DLL4: variants seen among roughly 807,000 people sequenced by gnomAD.
The protein encoded by DLL4 is delta-like protein 4.
In DLL4, 7 loss-of-function variants were observed where a neutral mutation model predicts 73.6. The ratio of observed to expected loss-of-function variants is 0.10; its 90% CI spans 0.05 to 0.18. DLL4 has a LOEUF of 0.18. Among genes scored for constraint, DLL4 ranks in the 10% least tolerant of loss-of-function variants. The pLI, the probability that DLL4 is intolerant of heterozygous loss-of-function variation, is 1.00. For synonymous variants in DLL4, 345 were observed against 374.3 expected, an observed-to-expected ratio of 0.92 and a Z score of 0.90; for missense variants, 614 against 929.9, an observed-to-expected ratio of 0.66 and a Z score of 4.42.
intron 3 of DLL4, chr15:40,931,241 C>G (rs1287302534): frequency 2.0e-5 from 11 of 550,246 alleles, no homozygotes; most frequent in African/African-American, 1.9e-4. Flanking sequence ...CCTCCAAGAC[C>G]CTGGGATATC....
Position 40,937,942 on chromosome 15 carries a change from G to A in DLL4, c.2053-87G>A, listed in dbSNP as rs369104774. ...GCCCTTAGCCCCTGCCTGCCCCATCGCCTTCTCCCAGGGAGGCCCAGGGAG... is the reference window on the plus strand; with the variant it reads ...GCCCTTAGCCCCTGCCTGCCCCATCACCTTCTCCCAGGGAGGCCCAGGGAG... On this transcript the variant is annotated intron_variant, in intron 10 of 10. Coordinates refer to ENST00000249749, the MANE Select transcript of DLL4 (RefSeq NM_019074.4). 29 of 1,537,156 alleles carry A rather than the reference G, an allele frequency of 1.9e-5. No individual in the cohort carries two copies. The African/African-American group carries it at 2.3e-4, about 12-fold the overall frequency.
rs1363312639 is a variant in DLL4 at position 40,934,538 on chromosome 15, G to A, written c.851-10G>A. ...GGCCCTGCTCAGCTGCTTGGTTCCT[G>A]TTTCTGCAGATCTCAACTACTGCAC... On this transcript the variant is annotated splice_polypyrimidine_tract_variant and intron_variant, in intron 6 of 10. Transcript: ENST00000249749. 9 of 1,613,212 alleles carry A rather than the reference G, an allele frequency of 5.6e-6. No homozygotes were observed. The highest frequency in any genetic ancestry group is 7.6e-6 in the Non-Finnish European group (9 of 1,179,460).
In DLL4 at chr15:40,930,529, G is replaced by A. The variant is rs1254632905; in HGVS notation, c.337-96G>A. ...GACCCGGGCGCAGTAACTGAATCCT[G>A]CAATTAGATTAATTAAACAGGCTGC... On this transcript the variant is annotated intron_variant, in intron 2 of 10. Coordinates refer to ENST00000249749, the MANE Select transcript of DLL4 (RefSeq NM_019074.4). The surrounding 1 kb of genome is among the most constrained non-coding windows in gnomAD (Gnocchi z 5.7). The A allele has an allele frequency of 9.9e-7, 1 of 1,012,820 alleles. No individual in the cohort carries two copies. The highest frequency in any genetic ancestry group is 1.5e-6 in the Non-Finnish European group (1 of 654,776). 62.7% of individuals were successfully genotyped at this position (1,012,820 alleles called of 1,614,324 possible). A position where few individuals can be genotyped will look rare whatever the true frequency, so the allele number is the denominator to read the frequency against.
intron 8 of DLL4, 39 bp downstream of exon 8, chr15:40,935,156 T>TG: frequency 6.3e-7 from 1 of 1,577,042 alleles, no homozygotes. Context: ...GGACTGGCCC[T>TG]GGGGCTGAGA....
In DLL4 at chr15:40,930,328, G is replaced by A; in HGVS notation, c.336+212G>A. ...CCGTCTTCCCAGTTTATGTCCTCCCGTCCCCAGCTCTTGGGACACGATTTT... is the reference window on the plus strand; with the variant it reads ...CCGTCTTCCCAGTTTATGTCCTCCCATCCCCAGCTCTTGGGACACGATTTT... On this transcript the variant is annotated intron_variant, in intron 2 of 10. Transcript: ENST00000249749. The surrounding 1 kb of genome is among the most constrained non-coding windows in gnomAD (Gnocchi z 5.7). The A allele has an allele frequency of 5.8e-6, 4 of 691,768 alleles. No individual in the cohort carries two copies. The highest frequency in any genetic ancestry group is 9.6e-6 in the Non-Finnish European group (4 of 418,162). The allele number at this position is 691,768 out of a possible 1,614,324, so 42.9% of individuals were successfully genotyped here. A position where few individuals can be genotyped will look rare whatever the true frequency, so the allele number is the denominator to read the frequency against.
At position 40,930,225 on chromosome 15, in the gene DLL4, A is replaced by C; in HGVS notation, c.336+109A>C. 1.4e-5 allele frequency: 18 copies of C among 1,316,344 alleles called. No homozygotes were observed. Among genetic ancestry groups the C allele is most frequent in the Non-Finnish European group, 1.9e-5 (18 of 966,308 alleles). The allele number at this position is 1,316,344 out of a possible 1,614,324, so 81.5% of individuals were successfully genotyped here. On this transcript the variant is annotated intron_variant, in intron 2 of 10. Transcript: ENST00000249749. This position sits in a 1 kb window ranked among gnomAD's most constrained non-coding sequence, Gnocchi z 5.7. The stretch of plus-strand genomic sequence containing the variant: ...CTTGTACACACACCCCCACCCCCAA[A>C]AAGCCCAGGATGCATTCTTTCCTGG...
rs200998312 is a variant in DLL4, at chr15:40,937,501, G to A, written c.2027G>A (p.Arg676Lys). The A allele has an allele frequency of 9.8e-5, 158 of 1,613,120 alleles. No homozygotes were observed. In the East Asian group the frequency reaches 3.5e-3, roughly 35 times the overall value. The change falls in exon 10 of 11, where the codon AGG (arginine) becomes AAG (lysine). Residue 676 changes from arginine to lysine, a missense_variant. By Grantham distance (26) the Arg-to-Lys change is conservative. Transcript: ENST00000249749. ...TCTGTGTGTTTGATATCAGAGGAGA[G>A]GAATGAATGTGTCATTGCCACGGAG... ...YQSVCLISEE[R>K]NECVIATEV is the part of the protein sequence containing the mutation.
chr15:40,930,135 C>T lies in DLL4; in HGVS notation c.336+19C>T. 1 of 1,601,494 alleles carries T rather than the reference C, an allele frequency of 6.2e-7. No homozygotes were observed. On this transcript the variant is annotated intron_variant, in intron 2 of 10. Coordinates refer to ENST00000249749, the MANE Select transcript of DLL4 (RefSeq NM_019074.4). This position sits in a 1 kb window ranked among gnomAD's most constrained non-coding sequence, Gnocchi z 5.7. ...CTGGCCGGTGAGCACAGCCTGGGCG[C>T]ACTGGGAGGTCGCAGAAGCCGAGAG...
At position 40,930,222 on chromosome 15, in the gene DLL4, CA is replaced by C; in HGVS notation, c.336+111del. 1.5e-6 allele frequency: 2 copies of C among 1,369,040 alleles called. No homozygotes were observed. The highest frequency in any genetic ancestry group is 9.9e-7 in the Non-Finnish European group (1 of 1,011,804). The allele number at this position is 1,369,040 out of a possible 1,614,324, so 84.8% of individuals were successfully genotyped here. A position where few individuals can be genotyped will look rare whatever the true frequency, so the allele number is the denominator to read the frequency against. Reference sequence around the variant, plus strand: ...TTCCTTGTACACACACCCCCACCCCCAAAAAGCCCAGGATGCATTCTTTCCT... The same window carrying C: ...TTCCTTGTACACACACCCCCACCCCCAAAAGCCCAGGATGCATTCTTTCCT... On this transcript the variant is annotated intron_variant, in intron 2 of 10. Coordinates refer to ENST00000249749, the MANE Select transcript of DLL4 (RefSeq NM_019074.4). This position sits in a 1 kb window ranked among gnomAD's most constrained non-coding sequence, Gnocchi z 5.7.
chr15:40,930,211 A>T lies in DLL4; in HGVS notation c.336+95A>T. On this transcript the variant is annotated intron_variant, in intron 2 of 10. Transcript: ENST00000249749. The surrounding 1 kb of genome is among the most constrained non-coding windows in gnomAD (Gnocchi z 5.7). Reference sequence around the variant, plus strand: ...CCTCCCCAGATTTCCTTGTACACACACCCCCACCCCCAAAAAGCCCAGGAT... The same window carrying T: ...CCTCCCCAGATTTCCTTGTACACACTCCCCCACCCCCAAAAAGCCCAGGAT... 1 of 1,402,834 alleles carries T rather than the reference A, an allele frequency of 7.1e-7. No individual in the cohort carries two copies. Among genetic ancestry groups the T allele is most frequent in the Non-Finnish European group, 9.6e-7 (1 of 1,040,226 alleles). The allele number at this position is 1,402,834 out of a possible 1,614,324, so 86.9% of individuals were successfully genotyped here.
chr15:40,930,754 G>T lies in DLL4; in HGVS notation c.394+72G>T, dbSNP rs779866365. 1.9e-5 allele frequency: 28 copies of T among 1,502,720 alleles called. No individual in the cohort carries two copies. Among genetic ancestry groups the T allele is most frequent in the Non-Finnish European group, 2.5e-5 (27 of 1,091,720 alleles). The allele number at this position is 1,502,720 out of a possible 1,614,324, so 93.1% of individuals were successfully genotyped here. On this transcript the variant is annotated intron_variant, in intron 3 of 10. Transcript: ENST00000249749. The surrounding 1 kb of genome is among the most constrained non-coding windows in gnomAD (Gnocchi z 5.7). ...CCGAAAGAGTTAATCTGTTCTAGGC[G>T]GGGGAAGTGCGGGCTTGGGGGTGGG...
At position 40,934,670 on chromosome 15, in the gene DLL4, C is replaced by A. The variant is rs367637724; in HGVS notation, c.973C>A (p.Leu325Ile). The A allele has an allele frequency of 1.9e-6, 3 of 1,613,776 alleles. No homozygotes were observed. Among genetic ancestry groups the A allele is most frequent in the Non-Finnish European group, 2.5e-6 (3 of 1,179,890 alleles). ...CACTGGTGTGGACTGTGAGCTGGAG[C>A]TCAGCGAGTGTGACAGCAACCCCTG... ...GYTGVDCELE[L>I]SECDSNPCRN... The change falls in exon 7 of 11, where the codon CTC becomes ATC. Residue 325 changes from leucine (L) to isoleucine (I), a missense_variant. Around this residue, in one of 3 missense-constraint regions of DLL4, gnomAD observed 386 missense variants for 541.3 expected, o/e 0.71. Coordinates refer to ENST00000249749, the MANE Select transcript of DLL4 (RefSeq NM_019074.4).
At chr15:40,937,735 C>A (rs1484448988) in intron 10 of DLL4, among the ~76,000 whole-genome samples, 1 of 152,192 alleles carries the variant, frequency 6.6e-6, no homozygotes, top group African/African-American at 2.4e-5. Context: ...TCCTTTCCTG[C>A]TGTATTGGTG....
At chr15:40,934,861 A>AG (rs1892820430) in intron 7 of DLL4, 37 bp from the exon 8 acceptor site, 1 of 1,602,992 alleles carries the variant, frequency 6.2e-7, no homozygotes, top group East Asian at 2.2e-5. Flanking sequence ...CCTGCCCCCC[A>AG]GGGTCTGACT....
Position 40,938,138 on chromosome 15 carries a change from C to A in DLL4, c.*104C>A. ...TGGGACGTTTTTCATATGCAACGTG[C>A]TGCTCTCAGGAGGAGGAGGGAATGG... On this transcript the variant is annotated 3_prime_UTR_variant, in exon 11 of 11. Transcript: ENST00000249749. 2 of 1,296,604 alleles carry A rather than the reference C, an allele frequency of 1.5e-6. No homozygotes were observed. Among genetic ancestry groups the A allele is most frequent in the Non-Finnish European group, 2.0e-6 (2 of 975,984 alleles). The allele number at this position is 1,296,604 out of a possible 1,614,324, so 80.3% of individuals were successfully genotyped here.
chr15:40,935,189 C>G, intron 8 of DLL4, 72 bp downstream of exon 8: 1 of 1,440,934 alleles, frequency 6.9e-7, no homozygotes, highest in Non-Finnish European at 9.4e-7. Flanking sequence ...GAGGGAGGGT[C>G]AGGAGAGGAG....
intron 3 of DLL4, 115 bp from the exon 4 acceptor site, chr15:40,931,388 G>A: frequency 7.7e-7 from 1 of 1,295,502 alleles, no homozygotes; most frequent in Non-Finnish European, 1.1e-6. Flanking sequence ...CTGGATAACT[G>A]GGCTGATTGG....
chr15:40,937,629 C>A, intron 10 of DLL4, 103 bp downstream of exon 10: 1 of 856,162 alleles, frequency 1.2e-6, no homozygotes, highest in Non-Finnish European at 2.0e-6. Context: ...CAGAACCCTG[C>A]CTTGGCAGGC....
At chr15:40,932,080 G>T in intron 4 of DLL4, 91 bp from the exon 5 acceptor site, 1 of 1,462,576 alleles carries the variant, frequency 6.8e-7, no homozygotes, top group Non-Finnish European at 9.5e-7. Flanking sequence ...GGGCCCAGGA[G>T]AGCTAGGGGA....
Sources: allele counts gnomAD v4.1 joint callset (sites outside exome capture counted in the v4.1 genomes callset), GRCh38; gene constraint gnomAD v4.1.1; regional missense constraint gnomAD v4.1.1; non-coding constraint Gnocchi (gnomAD v3.1); transcripts MANE v1.5; gene names NCBI Gene and HGNC (gene_info 2026-07-23, HGNC 2026-07-21).